SEZ6L: variants seen among roughly 807,000 people sequenced by gnomAD.
SEZ6L encodes the protein seizure related 6 homolog like, also known as seizure 6-like protein.
A neutral mutation model predicts 106.2 loss-of-function variants in SEZ6L; 37 were observed. The ratio of observed to expected loss-of-function variants is 0.35; its 90% CI spans 0.27 to 0.46. The LOEUF (loss-of-function observed/expected upper bound fraction) is 0.46. SEZ6L is among the 20% of genes least tolerant of loss of function. The pLI, the probability that SEZ6L is intolerant of heterozygous loss-of-function variation, is 1.00. For synonymous variants in SEZ6L, 541 were observed against 570.4 expected (o/e 0.95, Z 0.73); for missense variants, 1,172 against 1,332.8 (o/e 0.88, Z 1.88).
rs113214720 is a variant in SEZ6L at position 26,293,335 on chromosome 22, G to A, written c.835+189G>A. On this transcript the variant is annotated intron_variant, in intron 2 of 16. Transcript: ENST00000248933. ...CCTCATTTCATTTGTTTGTTGTTTTGGGGGGTTGTTTTAGCAAAGGGGTCT... is the reference window on the plus strand; with the variant it reads ...CCTCATTTCATTTGTTTGTTGTTTTAGGGGGTTGTTTTAGCAAAGGGGTCT... Among the ~76,000 whole-genome samples, 599 of 152,296 alleles carry A rather than the reference G, an allele frequency of 3.9e-3. 1 individual carries two copies. The highest frequency in any genetic ancestry group is 0.014 in the African/African-American group (562 of 41,576).
chr22:26,317,289 A>G (rs1412770363), intron 9 of SEZ6L, among the ~76,000 whole-genome samples: 3 of 152,064 alleles, frequency 2.0e-5, no homozygotes, highest in South Asian at 4.1e-4. Context: ...TCCTTCCCCC[A>G]GAAGTTACCA....
intron 1 of SEZ6L, among the ~76,000 whole-genome samples, chr22:26,274,207 CA>C (rs763701347): frequency 6.6e-6 from 1 of 152,150 alleles, no homozygotes; most frequent in Non-Finnish European, 1.5e-5. Context: ...TGGGTAATAA[CA>C]TTATCTACCT....
chr22:26,209,280 CCT>C (rs1941474769), intron 1 of SEZ6L, among the ~76,000 whole-genome samples: 1 of 152,100 alleles, frequency 6.6e-6, no homozygotes, highest in African/African-American at 2.4e-5. Flanking sequence ...GTCAAATTTC[CCT>C]GATTCTTCAT....
intron 1 of SEZ6L, among the ~76,000 whole-genome samples, chr22:26,247,906 T>A (rs959120637): frequency 6.6e-6 from 1 of 152,152 alleles, no homozygotes; most frequent in Non-Finnish European, 1.5e-5. Flanking sequence ...GATCACACAT[T>A]GACACCATCA....
intron 1 of SEZ6L, among the ~76,000 whole-genome samples, chr22:26,277,376 C>T (rs1335612064): frequency 1.3e-5 from 2 of 152,208 alleles, no homozygotes; most frequent in East Asian, 1.9e-4. Flanking sequence ...GGTGTGAGTT[C>T]ACGTGTGCAG....
chr22:26,304,892 T>TAGGAAATGCATC (rs1392619439), intron 5 of SEZ6L, among the ~76,000 whole-genome samples: 5 of 152,214 alleles, frequency 3.3e-5, no homozygotes, highest in Non-Finnish European at 7.3e-5. Flanking sequence ...GGATATGTTC[T>TAGGAAATGCATC]AGGAAATGCA....
intron 10 of SEZ6L, among the ~76,000 whole-genome samples, chr22:26,346,283 C>A (rs1370864173): frequency 6.6e-6 from 1 of 152,208 alleles, no homozygotes; most frequent in African/African-American, 2.4e-5. Context: ...CTCAAGCAAT[C>A]CTCCTACCTT....
In SEZ6L at chr22:26,232,426, G is replaced by T. The variant is rs145681649; in HGVS notation, c.95-59980G>T. ...GCCCAAACTCTGGAAACAGACAGAC[G>T]TGTATTCAAATGTCAACCTTACCTG... On this transcript the variant is annotated intron_variant, in intron 1 of 16. Coordinates refer to ENST00000248933, the MANE Select transcript of SEZ6L (RefSeq NM_021115.5). 6.0e-3 allele frequency among the ~76,000 whole-genome samples: 893 copies of T among 148,934 alleles called. 7 individuals carry two copies. The highest frequency in any genetic ancestry group is 0.011 in the Admixed American group (169 of 14,876).
At chr22:26,232,345 T>TAC (rs2078824053) in intron 1 of SEZ6L, among the ~76,000 whole-genome samples, 1 of 40,932 alleles carries the variant, frequency 2.4e-5, no homozygotes, top group Non-Finnish European at 5.1e-5. Context: ...CTCTCTGTCT[T>TAC]TCACACACAC....
intron 4 of SEZ6L, 106 bp downstream of exon 4, chr22:26,297,186 T>A: frequency 1.2e-6 from 1 of 839,816 alleles, no homozygotes; most frequent in Non-Finnish European, 1.8e-6. Flanking sequence ...GACAGTTTGG[T>A]AAAACCTACA....
chr22:26,366,981 C>T (rs2083836642), intron 13 of SEZ6L, among the ~76,000 whole-genome samples: 1 of 152,118 alleles, frequency 6.6e-6, no homozygotes, highest in Admixed American at 6.5e-5. Flanking sequence ...TCTTCAACAT[C>T]CTATTTTTCC....
Position 26,340,648 on chromosome 22 carries a change from G to A in SEZ6L, c.2212+16G>A. 2 of 1,591,650 alleles carry A rather than the reference G, an allele frequency of 1.3e-6. No homozygotes were observed. Among genetic ancestry groups the A allele is most frequent in the South Asian group, 1.1e-5 (1 of 87,616 alleles). ...AACTACATAGGTAGGTGTCTCATCT[G>A]GTCAATTTATTTTTTCTTTGTGTTT... On this transcript the variant is annotated intron_variant, in intron 10 of 16. Coordinates refer to ENST00000248933, the MANE Select transcript of SEZ6L (RefSeq NM_021115.5).
At chr22:26,200,637 G>A (rs1351120860) in intron 1 of SEZ6L, among the ~76,000 whole-genome samples, 1 of 152,174 alleles carries the variant, frequency 6.6e-6, no homozygotes, top group Non-Finnish European at 1.5e-5. Context: ...CAGTTAATAT[G>A]ACTTGGAAAG....
At chr22:26,204,929 GA>G (rs1487263405) in intron 1 of SEZ6L, among the ~76,000 whole-genome samples, 2 of 152,306 alleles carry the variant, frequency 1.3e-5, no homozygotes, top group African/African-American at 4.8e-5. Context: ...TCTGATAAAA[GA>G]CCTCACTTCA....
At position 26,169,844 on chromosome 22, in the gene SEZ6L, G is replaced by C. The variant is rs112640309; in HGVS notation, c.94+81G>C. 1.9e-4 allele frequency: 119 copies of C among 642,830 alleles called. No homozygotes were observed. In the African/African-American group the frequency reaches 2.0e-3, roughly 11 times the overall value. The allele number at this position is 642,830 out of a possible 1,614,324, so 39.8% of individuals were successfully genotyped here. A position where few individuals can be genotyped will look rare whatever the true frequency, so the allele number is the denominator to read the frequency against. On this transcript the variant is annotated intron_variant, in intron 1 of 16. Coordinates refer to ENST00000248933, the MANE Select transcript of SEZ6L (RefSeq NM_021115.5). ...CAGCCAGGGGTCGGGGCTGACCAGG[G>C]CGACTCAGGCACCACCCGCCGGGAT...
At chr22:26,371,597 ACTCC>A in intron 13 of SEZ6L, among the ~76,000 whole-genome samples, 1 of 151,856 alleles carries the variant, frequency 6.6e-6, no homozygotes, top group African/African-American at 2.4e-5. Flanking sequence ...GCACCACTGC[ACTCC>A]AGTCTAGGTG....
intron 12 of SEZ6L, among the ~76,000 whole-genome samples, chr22:26,357,832 G>A (rs973838432): frequency 6.6e-6 from 1 of 152,164 alleles, no homozygotes; most frequent in Admixed American, 6.5e-5. Flanking sequence ...CGTGGTGGAT[G>A]ACTCCTGAGG....
intron 1 of SEZ6L, among the ~76,000 whole-genome samples, chr22:26,180,513 A>C (rs143411185): frequency 1.8e-3 from 278 of 152,388 alleles, no homozygotes; most frequent in African/African-American, 6.4e-3. Context: ...ATGACTCAAA[A>C]GTGTTTGGAC....
At position 26,296,967 on chromosome 22, in the gene SEZ6L, A is replaced by G; in HGVS notation, c.1049A>G (p.Asn350Ser). Residue 350 changes from asparagine (N) to serine (S), a missense_variant, in exon 4 of 17, where the codon AAC becomes AGC. Physicochemically the swap from Asn to Ser is conservative, Grantham distance 46. This residue lies in a region of SEZ6L where 534 missense variants were observed against 691.0 expected (regional missense o/e 0.77). Coordinates refer to ENST00000248933, the MANE Select transcript of SEZ6L (RefSeq NM_021115.5). Reference sequence around the variant, plus strand: ...GGCCCTACCCTGACCGTCCTGGCCAACCAGACACTCCTGGTGGAGGGGCAG... The same window carrying G: ...GGCCCTACCCTGACCGTCCTGGCCAGCCAGACACTCCTGGTGGAGGGGCAG... The part of the protein sequence containing the change: ...VDGPTLTVLA[N>S]QTLLVEGQVI... 3 of 1,614,114 alleles carry G rather than the reference A, an allele frequency of 1.9e-6. No homozygotes were observed. The highest frequency in any genetic ancestry group is 2.2e-5 in the East Asian group (1 of 44,872).
Sources: allele counts gnomAD v4.1 joint callset (sites outside exome capture counted in the v4.1 genomes callset), GRCh38; gene constraint gnomAD v4.1.1; regional missense constraint gnomAD v4.1.1; transcripts MANE v1.5; gene names NCBI Gene and HGNC (gene_info 2026-07-23, HGNC 2026-07-21).